EIF2S1: variants seen among roughly 807,000 people sequenced by gnomAD.
EIF2S1 encodes the protein eukaryotic translation initiation factor 2 subunit 1.
A neutral mutation model predicts 33.5 loss-of-function variants in EIF2S1; 5 were observed. That is an observed-to-expected ratio of 0.15 (90% confidence interval 0.08 to 0.31). The LOEUF (loss-of-function observed/expected upper bound fraction) is 0.31. EIF2S1 is among the 10% of genes least tolerant of loss of function. The pLI is 1.00. For synonymous variants in EIF2S1, 99 were observed against 127.5 expected (o/e 0.78, Z 1.51); for missense variants, 191 against 384.6 (o/e 0.50, Z 4.21).
At chr14:67,365,246 C>A (rs1045770321) in intron 2 of EIF2S1, among the ~76,000 whole-genome samples, 1 of 152,098 alleles carries the variant, frequency 6.6e-6, no homozygotes, top group Non-Finnish European at 1.5e-5. Flanking sequence ...AATTTTATTT[C>A]TAGTGTTTAT....
At chr14:67,381,800 G>GT in intron 6 of EIF2S1, 110 bp downstream of exon 6, 4 of 719,864 alleles carry the variant, frequency 5.6e-6, no homozygotes, top group East Asian at 2.6e-5. Context: ...ACAAAAGTGG[G>GT]TTTTTTACTC....
In EIF2S1 at chr14:67,384,270, ATTT is replaced by A. The variant is rs904829094; in HGVS notation, c.*834_*836del. The A allele has an allele frequency of 1.2e-4, 18 of 151,856 alleles. No individual in the cohort carries two copies. Among genetic ancestry groups the A allele is most frequent in the African/African-American group, 4.1e-4 (17 of 41,328 alleles). 9.4% of individuals were successfully genotyped at this position (151,856 alleles called of 1,614,324 possible). On this transcript the variant is annotated 3_prime_UTR_variant, in exon 8 of 8. Coordinates refer to ENST00000256383, the MANE Select transcript of EIF2S1 (RefSeq NM_004094.5). Reference sequence around the variant, plus strand: ...TTTTATTTAGTTGGAATATCACCCAATTTTTTATTTTTATTGCTATTAAAATAT... The same window carrying A: ...TTTTATTTAGTTGGAATATCACCCAATTTATTTTTATTGCTATTAAAATAT...
chr14:67,378,024 GA>G (rs2085866520), intron 4 of EIF2S1, among the ~76,000 whole-genome samples: 1 of 152,130 alleles, frequency 6.6e-6, no homozygotes, highest in South Asian at 2.1e-4. Context: ...GCTGAGGCAG[GA>G]GGATCACTTG....
intron 3 of EIF2S1, among the ~76,000 whole-genome samples, chr14:67,374,867 G>A (rs918273261): frequency 6.6e-6 from 1 of 152,146 alleles, no homozygotes; most frequent in Non-Finnish European, 1.5e-5. Context: ...GCCCTCCAAA[G>A]TGCTGGGATT....
rs1410782759 is a variant in EIF2S1, at chr14:67,365,014, T to C, written c.241+6T>C. On this transcript the variant is annotated splice_donor_region_variant and intron_variant, in intron 2 of 7. Coordinates refer to ENST00000256383, the MANE Select transcript of EIF2S1 (RefSeq NM_004094.5). ...TAGGGTGGACAAAGAAAAAGGTAAG[T>C]GAGAAAAATATCTGTAATATAAATT... is the stretch of plus-strand genomic sequence containing the variant. 3.2e-6 allele frequency: 5 copies of C among 1,578,828 alleles called. No individual in the cohort carries two copies. The highest frequency in any genetic ancestry group is 4.3e-6 in the Non-Finnish European group (5 of 1,160,934).
chr14:67,379,780 A>C (rs1297624687), intron 4 of EIF2S1, among the ~76,000 whole-genome samples: 8 of 140,104 alleles, frequency 5.7e-5, no homozygotes, highest in African/African-American at 8.5e-5. Flanking sequence ...TCAGCCTCCC[A>C]AATAGCTGGG....
intron 2 of EIF2S1, among the ~76,000 whole-genome samples, chr14:67,368,372 G>T (rs1221976436): frequency 6.6e-6 from 1 of 152,166 alleles, no homozygotes; most frequent in Non-Finnish European, 1.5e-5. Context: ...AGAAAGGCAT[G>T]CTACCAAGCA....
intron 2 of EIF2S1, among the ~76,000 whole-genome samples, chr14:67,372,861 G>A (rs1260238576): frequency 6.6e-6 from 1 of 151,754 alleles, no homozygotes; most frequent in Non-Finnish European, 1.5e-5. Context: ...AAAAAACCCT[G>A]TATCTAAACC....
Position 67,382,197 on chromosome 14 carries a change from A to G in EIF2S1, c.679-250A>G, listed in dbSNP as rs987997538. Among the ~76,000 whole-genome samples the G allele has an allele frequency of 4.6e-5, 7 of 152,114 alleles. No individual in the cohort carries two copies. In the South Asian group the frequency reaches 1.0e-3, roughly 23 times the overall value. ...ATACACGGAAATGATAATTCTTTCT[A>G]TTCAGTATCGCAGTGAACTGTTTAT... On this transcript the variant is annotated intron_variant, in intron 6 of 7. Transcript: ENST00000256383.
In EIF2S1 at chr14:67,381,589, G is replaced by C; in HGVS notation, c.581-4G>C. On this transcript the variant is annotated splice_polypyrimidine_tract_variant and splice_region_variant and intron_variant, in intron 5 of 7. Transcript: ENST00000256383. ...TATCAACTTTTGAATTTTTGTAATT[G>C]TAGATATTGAAGTGGCTTGTTATGG... 6.2e-7 allele frequency: 1 copy of C among 1,607,468 alleles called. No homozygotes were observed. The highest frequency in any genetic ancestry group is 8.5e-7 in the Non-Finnish European group (1 of 1,176,596).
rs780646163 is a variant in EIF2S1 at position 67,383,540 on chromosome 14, T to C, written c.*100T>C. On this transcript the variant is annotated 3_prime_UTR_variant, in exon 8 of 8. Transcript: ENST00000256383. ...TTTCCAGTATTGAAAACTTCAAAGCTGAATATTTTTTATTTCTAAGTATTT... is the reference window on the plus strand; with the variant it reads ...TTTCCAGTATTGAAAACTTCAAAGCCGAATATTTTTTATTTCTAAGTATTT... The C allele has an allele frequency of 2.0e-6, 3 of 1,496,914 alleles. No homozygotes were observed. The highest frequency in any genetic ancestry group is 2.5e-5 in the East Asian group (1 of 39,688). The allele number at this position is 1,496,914 out of a possible 1,614,324, so 92.7% of individuals were successfully genotyped here.
At position 67,381,694 on chromosome 14, in the gene EIF2S1, AGTCATGAGTT is replaced by A; in HGVS notation, c.678+8_678+17del. The A allele has an allele frequency of 1.2e-6, 2 of 1,605,546 alleles. No homozygotes were observed. Among genetic ancestry groups the A allele is most frequent in the Non-Finnish European group, 1.7e-6 (2 of 1,173,448 alleles). On this transcript the variant is annotated splice_donor_5th_base_variant and intron_variant, in intron 6 of 7. Transcript: ENST00000256383. ...TACAGAAAACATGCCCATTAAGGTG[AGTCATGAGTT>A]GTCTCCCTCCCTGCTGAAATGCTCA... is the stretch of plus-strand genomic sequence containing the variant.
intron 2 of EIF2S1, among the ~76,000 whole-genome samples, chr14:67,369,375 T>C (rs1016127739): frequency 1.3e-5 from 2 of 152,128 alleles, no homozygotes; most frequent in Non-Finnish European, 2.9e-5. Context: ...AAAGCAGAAA[T>C]TGAATTCAAG....
chr14:67,361,344 T>C lies in EIF2S1; in HGVS notation c.-2+888T>C, dbSNP rs561804494. On this transcript the variant is annotated intron_variant, in intron 1 of 7. Transcript: ENST00000256383. ...GGGGGTGACTTGTACAGAACTTTGC[T>C]ACCTATTCTTAGTTCATCTGGTGCC... Among the ~76,000 whole-genome samples, 75 of 152,366 alleles carry C rather than the reference T, an allele frequency of 4.9e-4. 1 individual carries two copies. In the South Asian group the frequency reaches 0.015, roughly 30 times the overall value.
In EIF2S1 at chr14:67,383,414, G is replaced by T. The variant is rs777350688; in HGVS notation, c.922G>T (p.Glu308Ter). 2 of 1,613,638 alleles carry T rather than the reference G, an allele frequency of 1.2e-6. No individual in the cohort carries two copies. The highest frequency in any genetic ancestry group is 1.7e-6 in the Non-Finnish European group (2 of 1,179,644). Residue 308 changes from glutamate (E) to a stop codon, truncating the protein, a stop_gained, in exon 8 of 8, where the codon GAA (glutamate) becomes TAA (stop). Transcript: ENST00000256383. LOFTEE classifies it high-confidence loss of function. Reference sequence around the variant, plus strand: ...AGTGGATGGAGATGATGATGCAGAAGAAATGGAAGCCAAAGCTGAAGATTA... The same window carrying T: ...AGTGGATGGAGATGATGATGCAGAATAAATGGAAGCCAAAGCTGAAGATTA... ...AEVDGDDDAE[E>*]MEAKAED
chr14:67,370,682 T>C (rs2085814804), intron 2 of EIF2S1, among the ~76,000 whole-genome samples: 1 of 152,186 alleles, frequency 6.6e-6, no homozygotes, highest in African/African-American at 2.4e-5. Flanking sequence ...ATTTTGAGTG[T>C]CCTATATGTT....
At chr14:67,364,202 A>AT (rs1956630065) in intron 1 of EIF2S1, 1 of 152,118 alleles carries the variant, frequency 6.6e-6, no homozygotes, top group Non-Finnish European at 1.5e-5. Context: ...ATTTTAGTTT[A>AT]TTTTGTGATT....
intron 4 of EIF2S1, among the ~76,000 whole-genome samples, chr14:67,379,678 G>A (rs1434214373): frequency 2.1e-5 from 2 of 94,242 alleles, no homozygotes; most frequent in African/African-American, 6.6e-5. Context: ...TTTTTGAGAC[G>A]GAGTCTCGCT....
At chr14:67,375,811 T>G (rs1023603721) in intron 3 of EIF2S1, among the ~76,000 whole-genome samples, 3 of 152,200 alleles carry the variant, frequency 2.0e-5, no homozygotes, top group Non-Finnish European at 4.4e-5. Flanking sequence ...TCCTACTAAC[T>G]TTTGAGAAGC....
Sources: gnomAD v4.1 joint callset for allele counts (sites outside exome capture counted in the v4.1 genomes callset) on GRCh38, gnomAD v4.1.1 for gene constraint, MANE v1.5 for transcripts, NCBI Gene and HGNC (gene_info 2026-07-23, HGNC 2026-07-21) for gene names.